The following AK9 variants were observed in gnomAD, a reference collection of about 807,000 sequenced individuals.
AK9 encodes the protein adenylate kinase domain containing 1.
A neutral mutation model predicts 239.6 loss-of-function variants in AK9; 191 were observed. The ratio of observed to expected loss-of-function variants is 0.80; its 90% CI spans 0.71 to 0.90. The LOEUF (loss-of-function observed/expected upper bound fraction) is 0.90. Ranked by LOEUF, AK9 falls within the 40% of genes least tolerant of loss-of-function variation. The probability of loss-of-function intolerance (pLI) is 0.00; values close to 1 mark genes in which losing one functional copy is unlikely to be tolerated. For synonymous variants in AK9, 689 were observed against 721.0 expected (o/e 0.96, Z 0.71); for missense variants, 1,995 against 2,214.7 (o/e 0.90, Z 1.99).
intron 1 of AK9, among the ~76,000 whole-genome samples, chr6:109,682,296 G>A (rs527708756): frequency 2.6e-5 from 4 of 151,872 alleles, no homozygotes; most frequent in East Asian, 1.9e-4. Context: ...GCGTGGTGGC[G>A]GGTGCCTGTA....
At chr6:109,582,112 G>T (rs1583106319) in intron 19 of AK9, among the ~76,000 whole-genome samples, 2 of 152,116 alleles carry the variant, frequency 1.3e-5, no homozygotes, top group Admixed American at 1.3e-4. Flanking sequence ...AAATATTACT[G>T]CCCATTGACA....
intron 12 of AK9, among the ~76,000 whole-genome samples, chr6:109,626,190 T>G (rs1183645058): frequency 6.6e-6 from 1 of 151,850 alleles, no homozygotes; most frequent in East Asian, 1.9e-4. Context: ...TTTAAGTAGT[T>G]TTTTCATTTA....
At chr6:109,681,973 ACAAGAG>A (rs2128353673) in intron 1 of AK9, among the ~76,000 whole-genome samples, 1 of 152,358 alleles carries the variant, frequency 6.6e-6, no homozygotes, top group South Asian at 2.1e-4. Context: ...CTAAATGCCC[ACAAGAG>A]AAAGCAGGAA....
intron 29 of AK9, among the ~76,000 whole-genome samples, chr6:109,518,838 C>T (rs187287982): frequency 1.0e-3 from 153 of 151,588 alleles, no homozygotes; most frequent in Middle Eastern, 3.4e-3. Context: ...ATTTTAGATT[C>T]GGGGTACGTG....
In AK9 at chr6:109,533,742, C is replaced by T. The variant is rs982511559; in HGVS notation, c.3351-272G>A. On this transcript the variant is annotated intron_variant, in intron 27 of 40. Coordinates refer to ENST00000424296, the MANE Select transcript of AK9 (RefSeq NM_001145128.3). Reference sequence around the variant, plus strand: ...ATTTCTAGTTGTATATGTGACATTTCTTTTTCAAAATATATCAAGTTGGAT... The same window carrying T: ...ATTTCTAGTTGTATATGTGACATTTTTTTTTCAAAATATATCAAGTTGGAT... 4.6e-5 allele frequency among the ~76,000 whole-genome samples: 7 copies of T among 151,970 alleles called. No individual in the cohort carries two copies. In the South Asian group the frequency reaches 1.5e-3, roughly 32 times the overall value.
chr6:109,514,333 T>C lies in AK9; in HGVS notation c.4170A>G (p.Lys1390=). 6.4e-7 allele frequency: 1 copy of C among 1,551,378 alleles called. No homozygotes were observed. The highest frequency in any genetic ancestry group is 8.7e-7 in the Non-Finnish European group (1 of 1,146,756). Residue 1390 remains lysine (K), a synonymous_variant, in exon 32 of 41, where the codon AAA becomes AAG. Transcript: ENST00000424296. ...YIYFLSSKET[K]EKFMKNPIKY... ...TGATTGGGTTCTTCATAAATTTTTC[T>C]TTTGTTTCTTTACTAGATAAAAAAT...
chr6:109,607,062 G>A lies in AK9; in HGVS notation c.1842+3303C>T, dbSNP rs1025280676. ...ATCAATCATATCTATTCTATACATG[G>A]GCTGTGAGCTTCAGACAAAAAGCAA... On this transcript the variant is annotated intron_variant, in intron 17 of 40. Transcript: ENST00000424296. Among the ~76,000 whole-genome samples the A allele has an allele frequency of 2.0e-5, 3 of 152,040 alleles. No homozygotes were observed. The East Asian group carries it at 5.8e-4, about 29-fold the overall frequency.
intron 26 of AK9, 85 bp from the exon 27 acceptor site, chr6:109,542,256 G>A (rs1396661420): frequency 4.6e-6 from 6 of 1,298,962 alleles, no homozygotes; most frequent in Non-Finnish European, 5.2e-6. Context: ...GAAAGTTAAA[G>A]AGGAGGACCT....
chr6:109,557,329 C>T (rs537511725), intron 24 of AK9, among the ~76,000 whole-genome samples: 7 of 151,996 alleles, frequency 4.6e-5, no homozygotes, highest in Non-Finnish European at 7.4e-5. Context: ...AAGATGTTAC[C>T]GAGAGGGCTA....
At chr6:109,558,902 C>T (rs1785344875) in intron 24 of AK9, among the ~76,000 whole-genome samples, 7 of 150,504 alleles carry the variant, frequency 4.7e-5, no homozygotes, top group South Asian at 2.1e-4. Context: ...CTTGCTCTGT[C>T]GCCTAGGCTG....
intron 33 of AK9, among the ~76,000 whole-genome samples, chr6:109,508,332 T>C (rs762800099): frequency 1.3e-5 from 2 of 152,210 alleles, no homozygotes; most frequent in Non-Finnish European, 2.9e-5. Flanking sequence ...GCAGTCATTG[T>C]CCTGGTATTA....
chr6:109,650,042 C>G lies in AK9; in HGVS notation c.760-5354G>C, dbSNP rs569944132. Among the ~76,000 whole-genome samples the G allele has an allele frequency of 2.8e-3, 420 of 152,308 alleles. 1 individual carries two copies. Among genetic ancestry groups the G allele is most frequent in the African/African-American group, 9.6e-3 (401 of 41,558 alleles). ...AAACTGGCTAGCCATATGTAGAAAGCTGAAACTGGATCTCTTCCTTACACC... is the reference window on the plus strand; with the variant it reads ...AAACTGGCTAGCCATATGTAGAAAGGTGAAACTGGATCTCTTCCTTACACC... On this transcript the variant is annotated intron_variant, in intron 8 of 40. Transcript: ENST00000424296.
rs1452052143 is a variant in AK9 at position 109,539,527 on chromosome 6, G to A, written c.3350+2520C>T. Among the ~76,000 whole-genome samples the A allele has an allele frequency of 4.6e-5, 7 of 152,106 alleles. No homozygotes were observed. The South Asian group carries it at 1.4e-3, about 31-fold the overall frequency. On this transcript the variant is annotated intron_variant, in intron 27 of 40. Coordinates refer to ENST00000424296, the MANE Select transcript of AK9 (RefSeq NM_001145128.3). ...GTCTAATCTTTTTTCAAAGTTTTCA[G>A]CTTCTTTGCTATGGGTTCAAACTTC...
rs769270069 is a variant in AK9, at chr6:109,495,320, A to C, written c.5418+18T>G. 1.3e-6 allele frequency: 2 copies of C among 1,575,374 alleles called. No individual in the cohort carries two copies. Among genetic ancestry groups the C allele is most frequent in the East Asian group, 4.5e-5 (2 of 44,650 alleles). On this transcript the variant is annotated intron_variant, in intron 39 of 40. Coordinates refer to ENST00000424296, the MANE Select transcript of AK9 (RefSeq NM_001145128.3). ...TGTATTCTTCTAACATATATAACAG[A>C]AAATTAAGTAAAAGAACCTGTTCCA...
At chr6:109,529,117 A>C in intron 28 of AK9, 44 bp from the exon 29 acceptor site, 1 of 1,519,182 alleles carries the variant, frequency 6.6e-7, no homozygotes, top group Non-Finnish European at 8.8e-7. Flanking sequence ...GGAGAATGAT[A>C]AAAGTGGCTT....
At chr6:109,620,625 T>G (rs187697285) in intron 12 of AK9, among the ~76,000 whole-genome samples, 87 of 152,184 alleles carry the variant, frequency 5.7e-4, no homozygotes, top group Non-Finnish European at 9.4e-4. Flanking sequence ...TTTCTTTTGG[T>G]AGGCTTACAC....
chr6:109,609,550 T>C (rs945847848), intron 17 of AK9, among the ~76,000 whole-genome samples: 2 of 152,160 alleles, frequency 1.3e-5, no homozygotes, highest in Admixed American at 6.5e-5. Flanking sequence ...AAGATAGGTA[T>C]GCAGAAAACT....
At chr6:109,651,928 A>G (rs1799016281) in intron 8 of AK9, among the ~76,000 whole-genome samples, 1 of 152,170 alleles carries the variant, frequency 6.6e-6, no homozygotes, top group South Asian at 2.1e-4. Flanking sequence ...TACCAACCAA[A>G]AAAAGTCCAG....
intron 5 of AK9, among the ~76,000 whole-genome samples, chr6:109,670,661 C>T (rs1219443237): frequency 6.6e-6 from 1 of 151,744 alleles, no homozygotes; most frequent in Non-Finnish European, 1.5e-5. Flanking sequence ...GCCATGTAAA[C>T]CAATTTAAGT....
Sources: allele counts gnomAD v4.1 joint callset (sites outside exome capture counted in the v4.1 genomes callset), GRCh38; gene constraint gnomAD v4.1.1; transcripts MANE v1.5; gene names NCBI Gene and HGNC (gene_info 2026-07-23, HGNC 2026-07-21).